Variants in VPS41 observed in about 807,000 individuals in gnomAD.
The protein encoded by VPS41 is vacuolar protein sorting-associated protein 41 homolog.
VPS41 carries 85 observed loss-of-function variants against 130.9 expected under a neutral mutation model. The ratio of observed to expected loss-of-function variants is 0.65; its 90% CI spans 0.55 to 0.78. The LOEUF is 0.78. Ranked by LOEUF, VPS41 falls within the 30% of genes least tolerant of loss-of-function variation. The pLI is 0.00. For missense variants in VPS41, 874 were observed against 1,018.7 expected, an observed-to-expected ratio of 0.86 and a Z score of 1.93; for synonymous variants, 335 against 332.9, an observed-to-expected ratio of 1.01 and a Z score of -0.07.
intron 1 of VPS41, among the ~76,000 whole-genome samples, chr7:38,902,376 C>T (rs888769260): frequency 1.3e-5 from 2 of 152,164 alleles, no homozygotes; most frequent in South Asian, 2.1e-4. Context: ...GACCCCTCGC[C>T]GAGATATTGC....
Position 38,743,486 on chromosome 7 carries a change from C to T in VPS41, c.2038G>A (p.Val680Ile), listed in dbSNP as rs762503883. 6.2e-7 allele frequency: 1 copy of T among 1,614,008 alleles called. No homozygotes were observed. The highest frequency in any genetic ancestry group is 8.5e-7 in the Non-Finnish European group (1 of 1,179,904). Reference sequence around the variant, plus strand: ...TTGGCAAATTCGATTGCTTTATCAACATCATGTAATTCCTCCATAATCATC... The same window carrying T: ...TTGGCAAATTCGATTGCTTTATCAATATCATGTAATTCCTCCATAATCATC... ...LKMIMEELHD[V>I]DKAIEFAKEQ... The change falls in exon 24 of 29, where the codon GTT becomes ATT. Residue 680 changes from valine to isoleucine, a missense_variant. By Grantham distance (29) the Val-to-Ile change is conservative. Transcript: ENST00000310301.
At chr7:38,816,716 G>A (rs1785057267) in intron 7 of VPS41, among the ~76,000 whole-genome samples, 1 of 152,134 alleles carries the variant, frequency 6.6e-6, no homozygotes, top group Admixed American at 6.5e-5. Flanking sequence ...ACAGAAAAAT[G>A]TTAATATATG....
chr7:38,794,535 C>T (rs1484056157), intron 9 of VPS41, among the ~76,000 whole-genome samples: 4 of 152,204 alleles, frequency 2.6e-5, no homozygotes, highest in South Asian at 2.1e-4. Context: ...TAAGCAATTA[C>T]ATCAGATTCT....
chr7:38,802,381 T>C (rs1383455785), intron 7 of VPS41, among the ~76,000 whole-genome samples: 1 of 152,136 alleles, frequency 6.6e-6, no homozygotes, highest in Non-Finnish European at 1.5e-5. Flanking sequence ...CACCCTACTT[T>C]ATTCTTCACT....
chr7:38,821,418 A>G (rs1421621187), intron 5 of VPS41, among the ~76,000 whole-genome samples, 153 bp from the exon 6 acceptor site: 1 of 152,200 alleles, frequency 6.6e-6, no homozygotes, highest in Non-Finnish European at 1.5e-5. Flanking sequence ...AAACAATCCC[A>G]TCAGCCACGT....
At chr7:38,817,789 T>C in intron 7 of VPS41, 28 bp downstream of exon 7, 1 of 1,593,162 alleles carries the variant, frequency 6.3e-7, no homozygotes, top group Non-Finnish European at 8.6e-7. Context: ...CAAGGCTACA[T>C]ATCAAGGTAG....
intron 23 of VPS41, 49 bp downstream of exon 23, chr7:38,745,510 C>T: frequency 7.0e-7 from 1 of 1,427,580 alleles, no homozygotes; most frequent in South Asian, 1.2e-5. Context: ...TTCATGTTGT[C>T]ATCCCATTTC....
In VPS41 at chr7:38,724,599, C is replaced by CTTTACTTTTTT. The variant is rs1554285066; in HGVS notation, c.*1646_*1647insAAAAAAGTAAA. ...TTGGCCCTATGATTTCTTTTCTTTT[C>CTTTACTTTTTT]TTTTCTTTTTTGAGACGGAGTTTTG... On this transcript the variant is annotated 3_prime_UTR_variant, in exon 29 of 29. Coordinates refer to ENST00000310301, the MANE Select transcript of VPS41 (RefSeq NM_014396.4). 1 of 120,134 alleles carries CTTTACTTTTTT rather than the reference C, an allele frequency of 8.3e-6. No individual in the cohort carries two copies. 7.4% of individuals were successfully genotyped at this position (120,134 alleles called of 1,614,324 possible). A position where few individuals can be genotyped will look rare whatever the true frequency, so the allele number is the denominator to read the frequency against.
intron 10 of VPS41, among the ~76,000 whole-genome samples, chr7:38,780,030 C>T (rs898170895): frequency 1.3e-5 from 2 of 152,088 alleles, no homozygotes; most frequent in African/African-American, 2.4e-5. Flanking sequence ...AGTTTGAATA[C>T]AGGTGGCTGT....
intron 5 of VPS41, among the ~76,000 whole-genome samples, chr7:38,828,157 C>T (rs1183463428): frequency 3.3e-5 from 5 of 152,040 alleles, no homozygotes; most frequent in Non-Finnish European, 4.4e-5. Context: ...ATGAAAGCAA[C>T]ATATGCAAGA....
intron 14 of VPS41, among the ~76,000 whole-genome samples, chr7:38,769,887 C>T (rs1784120343): frequency 6.6e-6 from 1 of 152,162 alleles, no homozygotes; most frequent in East Asian, 1.9e-4. Context: ...TGTCTGAAAG[C>T]TTAAATTGAC....
rs755605219 is a variant in VPS41 at position 38,830,336 on chromosome 7, G to T, written c.247-8C>A. The T allele has an allele frequency of 6.3e-7, 1 of 1,581,898 alleles. No homozygotes were observed. Among genetic ancestry groups the T allele is most frequent in the Non-Finnish European group, 8.7e-7 (1 of 1,150,786 alleles). On this transcript the variant is annotated splice_polypyrimidine_tract_variant and splice_region_variant and intron_variant, in intron 4 of 28. Transcript: ENST00000310301. ...ATTTATCTTCACAGGACTCTAAAAA[G>T]AAAAAGACAAAAAGATGTGTAAAAC...
chr7:38,835,495 G>A (rs1424085145), intron 4 of VPS41, among the ~76,000 whole-genome samples: 1 of 151,880 alleles, frequency 6.6e-6, no homozygotes, highest in Non-Finnish European at 1.5e-5. Context: ...GGATGGTGAT[G>A]TTGTATTTGC....
At chr7:38,736,245 G>T (rs1461842648) in intron 25 of VPS41, among the ~76,000 whole-genome samples, 1 of 152,242 alleles carries the variant, frequency 6.6e-6, no homozygotes, top group Admixed American at 6.5e-5. Flanking sequence ...GACTAGGTGT[G>T]TAAGAAATAT....
rs1280498644 is a variant in VPS41, at chr7:38,823,443, G to A, written c.322-2178C>T. Among the ~76,000 whole-genome samples, 4 of 152,142 alleles carry A rather than the reference G, an allele frequency of 2.6e-5. No homozygotes were observed. In the South Asian group the frequency reaches 6.2e-4, roughly 24 times the overall value. Reference sequence around the variant, plus strand: ...TTATTTATAAACTACCCAGTCTAAGGTATTTTGTTATGGCAACACAAATGG... The same window carrying A: ...TTATTTATAAACTACCCAGTCTAAGATATTTTGTTATGGCAACACAAATGG... On this transcript the variant is annotated intron_variant, in intron 5 of 28. Coordinates refer to ENST00000310301, the MANE Select transcript of VPS41 (RefSeq NM_014396.4).
intron 7 of VPS41, among the ~76,000 whole-genome samples, chr7:38,799,987 C>T (rs2116006160): frequency 6.6e-6 from 1 of 152,132 alleles, no homozygotes; most frequent in South Asian, 2.1e-4. Flanking sequence ...CGGTCTTGGA[C>T]ACCGTCTTTC....
intron 2 of VPS41, among the ~76,000 whole-genome samples, chr7:38,884,744 C>T (rs1786686597): frequency 6.6e-6 from 1 of 152,196 alleles, no homozygotes; most frequent in South Asian, 2.1e-4. Context: ...ACGGAACAAA[C>T]TATAGGCAGA....
At chr7:38,824,600 A>G (rs1785234098) in intron 5 of VPS41, among the ~76,000 whole-genome samples, 1 of 152,236 alleles carries the variant, frequency 6.6e-6, no homozygotes, top group African/African-American at 2.4e-5. Flanking sequence ...GAAATTTGCA[A>G]AAAAGAAAGA....
At chr7:38,764,301 T>C (rs1337331333) in intron 16 of VPS41, among the ~76,000 whole-genome samples, 3 of 152,062 alleles carry the variant, frequency 2.0e-5, no homozygotes, top group East Asian at 3.9e-4. Flanking sequence ...GGGAATAGCA[T>C]GAGCAAAGGC....
Sources: gnomAD v4.1 joint callset for allele counts (sites outside exome capture counted in the v4.1 genomes callset) on GRCh38, gnomAD v4.1.1 for gene constraint, MANE v1.5 for transcripts, NCBI Gene and HGNC (gene_info 2026-07-23, HGNC 2026-07-21) for gene names.